FMN1: variants seen among roughly 807,000 people sequenced by gnomAD.
FMN1 encodes formin 1.
In FMN1, 110 loss-of-function variants were observed where a neutral mutation model predicts 132.4. That is an observed-to-expected ratio of 0.83 (90% CI 0.71 to 0.97). FMN1 has a LOEUF of 0.97. Among genes scored for constraint, FMN1 ranks in the 50% least tolerant of loss-of-function variants. The probability of loss-of-function intolerance (pLI) is 0.00; values close to 1 mark genes in which losing one functional copy is unlikely to be tolerated. For synonymous variants in FMN1, 722 were observed against 651.7 expected (o/e 1.11, Z -1.64); for missense variants, 1,792 against 1,705.3 (o/e 1.05, Z -0.90).
chr15:33,126,106 G>C (rs751248398), intron 4 of FMN1, among the ~76,000 whole-genome samples: 2 of 152,098 alleles, frequency 1.3e-5, no homozygotes, highest in Non-Finnish European at 2.9e-5. Flanking sequence ...TAAATGTTAC[G>C]CTTTTGCAGC....
chr15:33,114,892 TGCAA>T (rs2039854323), intron 4 of FMN1, among the ~76,000 whole-genome samples: 2 of 150,952 alleles, frequency 1.3e-5, no homozygotes, highest in East Asian at 3.9e-4. Context: ...TTTGAAAAGA[TGCAA>T]GCATCTCTAC....
chr15:32,830,909 G>A (rs936588119), intron 17 of FMN1, among the ~76,000 whole-genome samples: 3 of 152,056 alleles, frequency 2.0e-5, no homozygotes, highest in African/African-American at 7.2e-5. Context: ...GATCGGGAGG[G>A]CAGGATCCAA....
chr15:33,089,357 GTGTGTTCTC>G (rs2038822770), intron 4 of FMN1, among the ~76,000 whole-genome samples: 1 of 152,214 alleles, frequency 6.6e-6, no homozygotes, highest in Non-Finnish European at 1.5e-5. Flanking sequence ...TCACTAATGT[GTGTGTTCTC>G]CAGGGCAGGA....
rs745796475 is a variant in FMN1 at position 33,154,632 on chromosome 15, C to G, written c.283G>C (p.Glu95Gln). The G allele has an allele frequency of 6.5e-7, 1 of 1,535,988 alleles. No individual in the cohort carries two copies. Among genetic ancestry groups the G allele is most frequent in the East Asian group, 2.4e-5 (1 of 40,920 alleles). ...TELYKLTTER[E>Q]RLLTNLLSSD... The stretch of plus-strand genomic sequence containing the variant: ...CTCAGGAGATTGGTTAGCAGTCTCT[C>G]CCTCTCTGTTGTGAGTTTGTACAGC... The change falls in exon 4 of 21, where the codon GAG (glutamate) becomes CAG (glutamine). Residue 95 changes from glutamate (E) to glutamine (Q), a missense_variant. Physicochemically the swap from Glu to Gln is conservative, Grantham distance 29 (BLOSUM62 2). Around this residue, in one of 3 missense-constraint regions of FMN1, gnomAD observed 638 missense variants for 645.2 expected, o/e 0.99. Coordinates refer to ENST00000616417, the MANE Select transcript of FMN1 (RefSeq NM_001277313.2).
intron 4 of FMN1, among the ~76,000 whole-genome samples, chr15:33,117,796 G>T (rs947615418): frequency 1.3e-5 from 2 of 152,140 alleles, no homozygotes; most frequent in Non-Finnish European, 1.5e-5. Context: ...AGAACCACTA[G>T]AGCAAACAAT....
intron 4 of FMN1, among the ~76,000 whole-genome samples, chr15:33,108,413 G>C (rs961948318): frequency 6.6e-6 from 1 of 151,766 alleles, no homozygotes; most frequent in African/African-American, 2.4e-5. Context: ...TGGCACATAA[G>C]AAGAGAAAAT....
chr15:32,976,324 C>T (rs574092818), intron 7 of FMN1, among the ~76,000 whole-genome samples: 45 of 152,192 alleles, frequency 3.0e-4, no homozygotes, highest in African/African-American at 9.6e-4. Context: ...GCACAAAATG[C>T]CTCGAAGGAA....
At chr15:32,872,987 G>C (rs1322807522) in intron 16 of FMN1, among the ~76,000 whole-genome samples, 1 of 152,214 alleles carries the variant, frequency 6.6e-6, no homozygotes, top group Non-Finnish European at 1.5e-5. Context: ...ACCTAATCTG[G>C]TGGATGAATT....
chr15:33,019,681 T>G (rs2035309455), intron 6 of FMN1, among the ~76,000 whole-genome samples: 1 of 152,184 alleles, frequency 6.6e-6, no homozygotes, highest in South Asian at 2.1e-4. Flanking sequence ...GGGCCAGCAC[T>G]GCTGGGAGAC....
intron 6 of FMN1, among the ~76,000 whole-genome samples, chr15:33,025,217 A>G (rs2035610239): frequency 6.6e-6 from 1 of 152,212 alleles, no homozygotes; most frequent in Non-Finnish European, 1.5e-5. Flanking sequence ...TCTATGAAGC[A>G]AAAGAAGCTG....
intron 4 of FMN1, among the ~76,000 whole-genome samples, chr15:33,128,173 G>C (rs953970585): frequency 1.4e-5 from 2 of 144,698 alleles, no homozygotes; most frequent in South Asian, 4.2e-4. Context: ...GAGAAATAAA[G>C]CAAGCAAACA....
chr15:32,827,244 A>C (rs1455193814), intron 17 of FMN1, among the ~76,000 whole-genome samples: 1 of 152,204 alleles, frequency 6.6e-6, no homozygotes, highest in Non-Finnish European at 1.5e-5. Context: ...TCACCAGCTT[A>C]AACTGTCATT....
Position 33,154,207 on chromosome 15 carries a change from G to A in FMN1, c.708C>T (p.Cys236=). 1 of 1,536,302 alleles carries A rather than the reference G, an allele frequency of 6.5e-7. No individual in the cohort carries two copies. Among genetic ancestry groups the A allele is most frequent in the Non-Finnish European group, 8.7e-7 (1 of 1,146,958 alleles). ...CTGGCGTCTTGGGAATATCTGGGGG[G>A]CAGCTCTCTCTCCTCTGCAGGGAGC... is the stretch of plus-strand genomic sequence containing the variant. The part of the protein sequence containing the change: ...LACSLQRRES[C]PPDIPKTPDT... The change falls in exon 4 of 21, where the codon TGC becomes TGT. Residue 236 remains cysteine (C), a synonymous_variant. Coordinates refer to ENST00000616417, the MANE Select transcript of FMN1 (RefSeq NM_001277313.2).
chr15:32,876,027 T>C (rs16960330), intron 16 of FMN1, among the ~76,000 whole-genome samples: 3,917 of 152,176 alleles, frequency 0.026, 63 homozygotes, highest in Middle Eastern at 0.048. Context: ...GCAGGTAAAG[T>C]ATCACCATTA....
In FMN1 at chr15:33,133,413, T is replaced by A. The variant is rs1172552887; in HGVS notation, c.1867+19635A>T. Among the ~76,000 whole-genome samples, 4 of 152,184 alleles carry A rather than the reference T, an allele frequency of 2.6e-5. No individual in the cohort carries two copies. In the East Asian group the frequency reaches 7.7e-4, roughly 29 times the overall value. ...CAATATGAACACAGATCTATGGTTC[T>A]CTGTAAATGGCTGGGCCAAAGAGTA... On this transcript the variant is annotated intron_variant, in intron 4 of 20. Coordinates refer to ENST00000616417, the MANE Select transcript of FMN1 (RefSeq NM_001277313.2).
At chr15:33,068,070 C>A (rs1018826410) in intron 5 of FMN1, 1 of 1,405,634 alleles carries the variant, frequency 7.1e-7, no homozygotes, top group African/African-American at 1.4e-5. Context: ...CCGGTTTGTG[C>A]GATGATGTGT....
intron 6 of FMN1, chr15:33,063,539 C>G (rs935196356): frequency 2.0e-5 from 3 of 152,354 alleles, no homozygotes; most frequent in Admixed American, 6.5e-5. Flanking sequence ...TGAAAGGTCT[C>G]TAATAAACTC....
At chr15:33,146,980 C>G (rs1314448452) in intron 4 of FMN1, among the ~76,000 whole-genome samples, 1 of 152,020 alleles carries the variant, frequency 6.6e-6, no homozygotes, top group Non-Finnish European at 1.5e-5. Flanking sequence ...CAAGACGAGC[C>G]TGGCCAACGT....
chr15:32,894,013 T>TG (rs1261732424), intron 15 of FMN1, among the ~76,000 whole-genome samples: 6 of 152,254 alleles, frequency 3.9e-5, no homozygotes, highest in Non-Finnish European at 4.4e-5. Flanking sequence ...TGTGCTTATG[T>TG]GCCCGCTGCT....
Sources: gnomAD v4.1 joint callset for allele counts (sites outside exome capture counted in the v4.1 genomes callset) on GRCh38, gnomAD v4.1.1 for gene constraint, gnomAD v4.1.1 regional missense constraint, MANE v1.5 for transcripts, NCBI Gene and HGNC (gene_info 2026-07-23, HGNC 2026-07-21) for gene names.